The following ALOX5AP variants were observed in gnomAD, a reference collection of about 807,000 sequenced individuals.
ALOX5AP encodes arachidonate 5-lipoxygenase activating protein, also known as arachidonate 5-lipoxygenase-activating protein.
A neutral mutation model predicts 18.5 loss-of-function variants in ALOX5AP; 9 were observed. The ratio of observed to expected loss-of-function variants is 0.49; its 90% CI spans 0.29 to 0.85. The LOEUF (loss-of-function observed/expected upper bound fraction) is 0.85, where lower values mean the gene tolerates loss of function less well. ALOX5AP is among the 40% of genes least tolerant of loss of function. The pLI is 0.08. For missense variants in ALOX5AP, 172 were observed against 202.5 expected (o/e 0.85, Z 0.91); for synonymous variants, 81 against 78.6 (o/e 1.03, Z -0.16).
At chr13:30,727,852 G>T (rs1011719634) in intron 1 of ALOX5AP, among the ~76,000 whole-genome samples, 1 of 152,100 alleles carries the variant, frequency 6.6e-6, no homozygotes, top group African/African-American at 2.4e-5. Flanking sequence ...CGGGTTTTGG[G>T]TTGTCCTTGC....
intron 1 of ALOX5AP, among the ~76,000 whole-genome samples, chr13:30,717,593 C>T (rs376488292): frequency 5.8e-4 from 88 of 152,260 alleles, no homozygotes; most frequent in African/African-American, 1.6e-3. Flanking sequence ...CAGTTTATTG[C>T]GAAGGACATT....
chr13:30,762,293 A>C (rs1225085774), intron 4 of ALOX5AP, among the ~76,000 whole-genome samples: 1 of 152,200 alleles, frequency 6.6e-6, no homozygotes, highest in Non-Finnish European at 1.5e-5. Context: ...CCTGCTGTAG[A>C]AAAATTATGA....
intron 1 of ALOX5AP, among the ~76,000 whole-genome samples, chr13:30,716,399 G>A (rs1419712267): frequency 2.6e-5 from 4 of 152,312 alleles, no homozygotes; most frequent in Middle Eastern, 6.8e-3. Flanking sequence ...TACTCAACAT[G>A]TGCTCCAAGG....
At chr13:30,722,401 T>C (rs9743182) in intron 1 of ALOX5AP, among the ~76,000 whole-genome samples, 31,310 of 152,180 alleles carry the variant, frequency 0.21, 4,247 homozygotes, top group African/African-American at 0.37. Context: ...CTTACGTGTT[T>C]AAGCCATTGC....
At chr13:30,739,573 T>C (rs1197060290) in intron 1 of ALOX5AP, among the ~76,000 whole-genome samples, 3 of 152,214 alleles carry the variant, frequency 2.0e-5, no homozygotes, top group Non-Finnish European at 4.4e-5. Context: ...TAGCTAGGAC[T>C]ACAAGCATGT....
Position 30,726,220 on chromosome 13 carries a change from A to G in ALOX5AP, c.117-9331A>G, listed in dbSNP as rs1222110877. Among the ~76,000 whole-genome samples the G allele has an allele frequency of 3.3e-5, 5 of 152,320 alleles. No homozygotes were observed. In the South Asian group the frequency reaches 6.2e-4, roughly 19 times the overall value. On this transcript the variant is annotated intron_variant, in intron 1 of 5. Transcript: ENST00000617770. ...ATCTCCTCGTGCCAGTGAATACACA[A>G]GCAAGGAAGGGGGTTCCTTTCTCAC... is the stretch of plus-strand genomic sequence containing the variant.
intron 1 of ALOX5AP, among the ~76,000 whole-genome samples, chr13:30,735,880 C>T (rs957146743): frequency 6.6e-6 from 1 of 152,160 alleles, no homozygotes; most frequent in Non-Finnish European, 1.5e-5. Context: ...TAGTCTTTCA[C>T]TTTTGTGGTG....
At chr13:30,721,500 C>T (rs970503734) in intron 1 of ALOX5AP, among the ~76,000 whole-genome samples, 2 of 151,748 alleles carry the variant, frequency 1.3e-5, no homozygotes, top group African/African-American at 4.8e-5. Flanking sequence ...AAGCCTTGTG[C>T]TACTATTTAG....
At chr13:30,721,938 T>A (rs773012112) in intron 1 of ALOX5AP, among the ~76,000 whole-genome samples, 1 of 152,216 alleles carries the variant, frequency 6.6e-6, no homozygotes, top group Non-Finnish European at 1.5e-5. Flanking sequence ...CTTCCTCTGG[T>A]AAGATTTTCC....
At chr13:30,742,763 T>G (rs913741195) in intron 1 of ALOX5AP, among the ~76,000 whole-genome samples, 4 of 152,130 alleles carry the variant, frequency 2.6e-5, no homozygotes, top group Non-Finnish European at 4.4e-5. Context: ...ACCCTGTGGT[T>G]GGATCCCTGA....
intron 1 of ALOX5AP, among the ~76,000 whole-genome samples, chr13:30,727,591 A>G (rs923410306): frequency 6.6e-6 from 1 of 152,172 alleles, no homozygotes; most frequent in Non-Finnish European, 1.5e-5. Context: ...CGGGGAGGGC[A>G]TGTGGCTCTG....
In ALOX5AP at chr13:30,752,261, G is replaced by C. The variant is rs550841128; in HGVS notation, c.241+139G>C. The C allele has an allele frequency of 3.2e-4, 254 of 791,352 alleles. 3 individuals are homozygous for C. In the South Asian group the frequency reaches 3.9e-3, roughly 12 times the overall value. 49.0% of individuals were successfully genotyped at this position (791,352 alleles called of 1,614,324 possible). A position where few individuals can be genotyped will look rare whatever the true frequency, so the allele number is the denominator to read the frequency against. On this transcript the variant is annotated intron_variant, in intron 3 of 4. Coordinates refer to ENST00000380490, the MANE Select transcript of ALOX5AP (RefSeq NM_001629.4). ...AAGCCCTGGAGAGGTGAGAGCCCTC[G>C]GGAGGCCGTGTTTCAGGCATGCTCT...
intron 1 of ALOX5AP, among the ~76,000 whole-genome samples, chr13:30,719,246 G>A (rs1951574163): frequency 6.6e-6 from 1 of 152,162 alleles, no homozygotes; most frequent in South Asian, 2.1e-4. Context: ...GCTGTATCTG[G>A]TATACCTAGA....
intron 1 of ALOX5AP, among the ~76,000 whole-genome samples, chr13:30,716,317 A>C (rs1229043309): frequency 1.3e-5 from 2 of 152,238 alleles, no homozygotes; most frequent in African/African-American, 4.8e-5. Context: ...CCTGGGCATG[A>C]GGATAATTAA....
upstream of ALOX5AP, among the ~76,000 whole-genome samples, chr13:30,730,680 C>T (rs1369561066): frequency 6.6e-6 from 1 of 152,090 alleles, no homozygotes; most frequent in Non-Finnish European, 1.5e-5. Flanking sequence ...AGGATGAAGG[C>T]TATGTGAATG....
intron 1 of ALOX5AP, among the ~76,000 whole-genome samples, chr13:30,724,134 T>G (rs1026729649): frequency 1.3e-5 from 2 of 152,180 alleles, no homozygotes; most frequent in Non-Finnish European, 2.9e-5. Flanking sequence ...CCAATCTGCT[T>G]TCTGTTGCTA....
At chr13:30,728,752 G>A (rs1951657527) in intron 1 of ALOX5AP, among the ~76,000 whole-genome samples, 1 of 152,180 alleles carries the variant, frequency 6.6e-6, no homozygotes, top group African/African-American at 2.4e-5. Context: ...GGAGGCTGAG[G>A]TGGGAGATTC....
chr13:30,735,441 A>T, upstream of ALOX5AP: 3 of 858,672 alleles, frequency 3.5e-6, no homozygotes, highest in Non-Finnish European at 4.3e-6. Context: ...AGTTAAAAAA[A>T]AAAAAAAAAA....
chr13:30,746,396 G>A (rs1344422879), intron 2 of ALOX5AP, among the ~76,000 whole-genome samples: 2 of 152,264 alleles, frequency 1.3e-5, no homozygotes, highest in Non-Finnish European at 2.9e-5. Flanking sequence ...AACTAAGCAG[G>A]CAGGGTGGAG....
Sources: allele counts gnomAD v4.1 joint callset (sites outside exome capture counted in the v4.1 genomes callset), GRCh38; gene constraint gnomAD v4.1.1; transcripts MANE v1.5; gene names NCBI Gene and HGNC (gene_info 2026-07-23, HGNC 2026-07-21).